LRMDA: variants seen among roughly 807,000 people sequenced by gnomAD.
LRMDA encodes the protein leucine rich melanocyte differentiation associated, also known as leucine-rich melanocyte differentiation-associated protein.
A neutral mutation model predicts 29.8 loss-of-function variants in LRMDA; 18 were observed. That is an observed-to-expected ratio of 0.60 (90% CI 0.42 to 0.90). LRMDA has a LOEUF of 0.90. Ranked by LOEUF, LRMDA falls within the 40% of genes least tolerant of loss-of-function variation. The probability of loss-of-function intolerance (pLI) is 0.00; values close to 1 mark genes in which losing one functional copy is unlikely to be tolerated. For synonymous variants in LRMDA, 125 were observed against 109.4 expected (o/e 1.14, Z -0.89); for missense variants, 273 against 273.9 (o/e 1.00, Z 0.02).
chr10:76,299,823 G>A (rs912175955), intron 5 of LRMDA, among the ~76,000 whole-genome samples: 9 of 152,078 alleles, frequency 5.9e-5, no homozygotes, highest in Non-Finnish European at 1.3e-4. Context: ...AAAGATGTCC[G>A]TCTTCATTGT....
intron 6 of LRMDA, among the ~76,000 whole-genome samples, chr10:76,455,548 T>C (rs1016160638): frequency 1.3e-5 from 2 of 152,150 alleles, no homozygotes; most frequent in African/African-American, 2.4e-5. Flanking sequence ...TTAGTCAGCT[T>C]AGGGTAACTT....
intron 6 of LRMDA, among the ~76,000 whole-genome samples, chr10:76,471,666 G>C (rs1460225824): frequency 6.6e-6 from 1 of 151,634 alleles, no homozygotes; most frequent in Non-Finnish European, 1.5e-5. Flanking sequence ...ACTATAGGTT[G>C]TTTATAAAAC....
chr10:75,489,944 C>G (rs1042695598), intron 2 of LRMDA, among the ~76,000 whole-genome samples: 1 of 152,034 alleles, frequency 6.6e-6, no homozygotes, highest in Non-Finnish European at 1.5e-5. Flanking sequence ...CATATGTGTT[C>G]TCATTTAACT....
At chr10:76,252,387 A>C (rs970540044) in intron 5 of LRMDA, among the ~76,000 whole-genome samples, 1 of 152,230 alleles carries the variant, frequency 6.6e-6, no homozygotes, top group Non-Finnish European at 1.5e-5. Context: ...TGTTTGACAT[A>C]ATATTGTCAA....
intron 2 of LRMDA, among the ~76,000 whole-genome samples, chr10:75,850,890 G>A (rs1015724620): frequency 6.6e-6 from 1 of 152,206 alleles, no homozygotes; most frequent in African/African-American, 2.4e-5. Context: ...ACCAGAGTAT[G>A]CAGAGGTTTG....
At chr10:76,009,838 C>G (rs954626209) in intron 2 of LRMDA, among the ~76,000 whole-genome samples, 13 of 152,040 alleles carry the variant, frequency 8.6e-5, no homozygotes, top group Admixed American at 7.9e-4. Context: ...AGCAACCCCC[C>G]TCACTGCCTC....
At chr10:75,493,393 T>C (rs1401709708) in intron 2 of LRMDA, among the ~76,000 whole-genome samples, 2 of 63,406 alleles carry the variant, frequency 3.2e-5, no homozygotes, top group East Asian at 4.3e-4. Flanking sequence ...GTGTGTGAAG[T>C]CCATGAAATC....
chr10:76,144,531 T>A (rs1482447137), intron 5 of LRMDA, among the ~76,000 whole-genome samples: 1 of 152,198 alleles, frequency 6.6e-6, no homozygotes, highest in African/African-American at 2.4e-5. Flanking sequence ...GTGATTTTTG[T>A]ACATTGATTT....
At chr10:76,074,451 A>T (rs1418899727) in intron 5 of LRMDA, among the ~76,000 whole-genome samples, 1 of 152,282 alleles carries the variant, frequency 6.6e-6, no homozygotes, top group East Asian at 1.9e-4. Context: ...GGTTTCTATC[A>T]AAGGGGGATA....
At chr10:76,470,351 C>A (rs1421391233) in intron 6 of LRMDA, 1 of 152,084 alleles carries the variant, frequency 6.6e-6, no homozygotes, top group East Asian at 1.9e-4. Flanking sequence ...AGCAATTGTA[C>A]GTAAGCATGG....
chr10:76,526,935 C>T (rs1843181130), intron 6 of LRMDA, among the ~76,000 whole-genome samples: 1 of 148,274 alleles, frequency 6.7e-6, no homozygotes, highest in African/African-American at 2.5e-5. Flanking sequence ...ACATATGTAA[C>T]CTGCACAATG....
chr10:75,566,503 A>G (rs139222323), intron 2 of LRMDA, among the ~76,000 whole-genome samples: 1 of 152,308 alleles, frequency 6.6e-6, no homozygotes, highest in African/African-American at 2.4e-5. Flanking sequence ...TGCTAAGACT[A>G]AAATACTTTC....
chr10:75,508,036 G>A (rs918440817), intron 2 of LRMDA, among the ~76,000 whole-genome samples: 1 of 152,174 alleles, frequency 6.6e-6, no homozygotes, highest in Admixed American at 6.5e-5. Flanking sequence ...TATAGGGTTC[G>A]TAACTCTTTC....
At chr10:75,783,365 C>T (rs1374868692) in intron 2 of LRMDA, among the ~76,000 whole-genome samples, 3 of 151,542 alleles carry the variant, frequency 2.0e-5, no homozygotes, top group East Asian at 3.9e-4. Flanking sequence ...ATGCTAAATT[C>T]GGAAGTTGAG....
At chr10:75,922,548 T>G (rs1846043995) in intron 2 of LRMDA, among the ~76,000 whole-genome samples, 1 of 152,212 alleles carries the variant, frequency 6.6e-6, no homozygotes, top group African/African-American at 2.4e-5. Flanking sequence ...CTGGCCTAGC[T>G]TCTCCTCCTT....
At chr10:75,911,768 A>T (rs1356387137) in intron 2 of LRMDA, among the ~76,000 whole-genome samples, 1 of 152,164 alleles carries the variant, frequency 6.6e-6, no homozygotes, top group East Asian at 1.9e-4. Context: ...GCCTTCAAAG[A>T]GCTTAAAAGT....
intron 2 of LRMDA, among the ~76,000 whole-genome samples, chr10:75,822,314 A>G (rs189909730): frequency 3.0e-4 from 45 of 152,306 alleles, no homozygotes; most frequent in African/African-American, 1.1e-3. Context: ...GAAATCATAG[A>G]TGACACAAAC....
intron 6 of LRMDA, among the ~76,000 whole-genome samples, chr10:76,435,828 A>T (rs1009386526): frequency 2.0e-5 from 3 of 152,220 alleles, no homozygotes; most frequent in Non-Finnish European, 2.9e-5. Context: ...AGGAATGAAG[A>T]TTCGGTCTCT....
intron 5 of LRMDA, among the ~76,000 whole-genome samples, chr10:76,153,123 G>A (rs1850476414): frequency 6.6e-6 from 1 of 152,186 alleles, no homozygotes; most frequent in African/African-American, 2.4e-5. Flanking sequence ...ACAGGCATGA[G>A]CCACCACGCC....
Sources: allele counts gnomAD v4.1 joint callset (sites outside exome capture counted in the v4.1 genomes callset), GRCh38; gene constraint gnomAD v4.1.1; transcripts MANE v1.5; gene names NCBI Gene and HGNC (gene_info 2026-07-23, HGNC 2026-07-21).